Variants in CCSER2 observed in about 807,000 individuals in gnomAD.
CCSER2 encodes the protein serine-rich coiled-coil domain-containing protein 2.
In CCSER2, 46 loss-of-function variants were observed where a neutral mutation model predicts 92.3. The ratio of observed to expected loss-of-function variants is 0.50; its 90% CI spans 0.39 to 0.64. The LOEUF (loss-of-function observed/expected upper bound fraction) is 0.64. CCSER2 is among the 30% of genes least tolerant of loss of function. CCSER2 has a pLI of 0.00. For synonymous variants in CCSER2, 433 were observed against 431.4 expected (o/e 1.00, Z -0.04); for missense variants, 1,244 against 1,238.9 (o/e 1.00, Z -0.06).
At chr10:84,455,534 C>T (rs1480863779) in intron 6 of CCSER2, 1 of 359,706 alleles carries the variant, frequency 2.8e-6, no homozygotes, top group Non-Finnish European at 5.3e-6. Context: ...CCTCAGCCTC[C>T]CAAAGTGCTG....
intron 1 of CCSER2, 28 bp downstream of exon 1, chr10:84,328,836 G>C (rs1843395002): frequency 6.6e-6 from 1 of 152,264 alleles, no homozygotes; most frequent in Admixed American, 6.6e-5. Flanking sequence ...GGCCAGAGCC[G>C]GGGCCGGGGT....
intron 6 of CCSER2, among the ~76,000 whole-genome samples, chr10:84,451,072 A>G (rs1310775803): frequency 6.6e-6 from 1 of 152,164 alleles, no homozygotes; most frequent in Non-Finnish European, 1.5e-5. Flanking sequence ...ACATCAAAGG[A>G]TAAGATTTGT....
At chr10:84,440,489 C>T (rs556211589) in intron 6 of CCSER2, among the ~76,000 whole-genome samples, 2 of 152,176 alleles carry the variant, frequency 1.3e-5, no homozygotes, top group South Asian at 4.2e-4. Flanking sequence ...ATACACTATT[C>T]GAAGGCTTAA....
chr10:84,456,156 G>A, intron 6 of CCSER2: 1 of 283,432 alleles, frequency 3.5e-6, no homozygotes. Flanking sequence ...ACCCCCACCT[G>A]CATGAATTCA....
At chr10:84,374,104 G>A in intron 3 of CCSER2, 1 of 585,778 alleles carries the variant, frequency 1.7e-6, no homozygotes, top group South Asian at 2.9e-5. Flanking sequence ...TCAAAGACTG[G>A]GGGAGGAGGT....
Position 84,371,259 on chromosome 10 carries a change from A to G in CCSER2, c.207A>G (p.Ala69=). The part of the protein sequence containing the change: ...PSSHSFNWRK[A]NKYQLCAQGV... ...CTCATTCATTTAATTGGAGGAAAGC[A>G]AATAAATATCAGCTTTGTGCACAAG... Residue 69 remains alanine (A), a synonymous_variant, in exon 2 of 10, where the codon GCA becomes GCG. Transcript: ENST00000372088. The G allele has an allele frequency of 1.2e-6, 2 of 1,613,116 alleles. No individual in the cohort carries two copies. Among genetic ancestry groups the G allele is most frequent in the Non-Finnish European group, 8.5e-7 (1 of 1,179,458 alleles).
chr10:84,501,235 A>G (rs954662596), intron 9 of CCSER2, among the ~76,000 whole-genome samples: 7 of 152,198 alleles, frequency 4.6e-5, no homozygotes, highest in Non-Finnish European at 1.0e-4. Flanking sequence ...ATCCCAGCAC[A>G]AAAAGAATCA....
At chr10:84,357,677 C>G (rs949365491) in intron 1 of CCSER2, among the ~76,000 whole-genome samples, 2 of 152,104 alleles carry the variant, frequency 1.3e-5, no homozygotes, top group Admixed American at 6.5e-5. Flanking sequence ...GTCTTGATCT[C>G]CTGACCTCGT....
chr10:84,430,503 T>C (rs1426362900), intron 5 of CCSER2, among the ~76,000 whole-genome samples: 1 of 152,206 alleles, frequency 6.6e-6, no homozygotes, highest in Non-Finnish European at 1.5e-5. Context: ...AAGCTTTGAA[T>C]CAGCTCAAAC....
intron 5 of CCSER2, among the ~76,000 whole-genome samples, chr10:84,427,289 A>G (rs1385455544): frequency 1.3e-5 from 2 of 152,044 alleles, no homozygotes; most frequent in Non-Finnish European, 1.5e-5. Flanking sequence ...GAAACTCTCA[A>G]TCTTTGGGGT....
chr10:84,489,946 G>A lies in CCSER2; in HGVS notation c.2325+12282G>A, dbSNP rs533544900. Among the ~76,000 whole-genome samples the A allele has an allele frequency of 1.5e-4, 23 of 152,258 alleles. No homozygotes were observed. The East Asian group carries it at 3.9e-3, about 26-fold the overall frequency. On this transcript the variant is annotated intron_variant, in intron 9 of 9. Transcript: ENST00000372088. ...TTAGGGCAGGCCTGGTGGTGACAAAGTCTCTCAGCATTTGTTTATCTGTAA... is the reference window on the plus strand; with the variant it reads ...TTAGGGCAGGCCTGGTGGTGACAAAATCTCTCAGCATTTGTTTATCTGTAA...
intron 9 of CCSER2, among the ~76,000 whole-genome samples, chr10:84,494,810 C>T (rs1370088241): frequency 6.6e-6 from 1 of 152,084 alleles, no homozygotes; most frequent in Non-Finnish European, 1.5e-5. Flanking sequence ...GTTCATGGTT[C>T]GTTATGGAAT....
intron 9 of CCSER2, among the ~76,000 whole-genome samples, chr10:84,496,361 C>G (rs1437478158): frequency 6.6e-6 from 1 of 152,088 alleles, no homozygotes; most frequent in Admixed American, 6.5e-5. Context: ...TCTCGGCTCA[C>G]AGCAAGCTCC....
At chr10:84,471,885 A>T (rs1846824306) in intron 8 of CCSER2, among the ~76,000 whole-genome samples, 1 of 152,114 alleles carries the variant, frequency 6.6e-6, no homozygotes, top group South Asian at 2.1e-4. Flanking sequence ...AAGTTTGAGG[A>T]AGAACATAAG....
chr10:84,457,556 TTA>T (rs1389886373), intron 6 of CCSER2, among the ~76,000 whole-genome samples: 2 of 116,652 alleles, frequency 1.7e-5, no homozygotes, highest in African/African-American at 3.4e-5. Context: ...ATGTATATTA[TTA>T]TATATAAATT....
chr10:84,447,916 C>G (rs1845027516), intron 6 of CCSER2, among the ~76,000 whole-genome samples: 1 of 152,138 alleles, frequency 6.6e-6, no homozygotes, highest in African/African-American at 2.4e-5. Context: ...AACCGATCCT[C>G]CCAAGTAGCT....
At chr10:84,501,989 C>T (rs1042152489) in intron 9 of CCSER2, among the ~76,000 whole-genome samples, 1 of 146,552 alleles carries the variant, frequency 6.8e-6, no homozygotes, top group African/African-American at 2.5e-5. Context: ...ACCAGAGGGC[C>T]TGTTCACAGC....
At chr10:84,455,199 C>T in intron 6 of CCSER2, 1 of 170,258 alleles carries the variant, frequency 5.9e-6, no homozygotes, top group Non-Finnish European at 1.3e-5. Flanking sequence ...GTAAGAACAG[C>T]AGTCTTTTTC....
intron 1 of CCSER2, among the ~76,000 whole-genome samples, chr10:84,345,518 CTCT>C (rs1844427868): frequency 6.6e-6 from 1 of 152,110 alleles, no homozygotes. Flanking sequence ...TTGTTGAGTA[CTCT>C]TCTATTTGGC....
Sources: allele counts gnomAD v4.1 joint callset (sites outside exome capture counted in the v4.1 genomes callset), GRCh38; gene constraint gnomAD v4.1.1; transcripts MANE v1.5; gene names NCBI Gene and HGNC (gene_info 2026-07-23, HGNC 2026-07-21).